Variants in BRAT1 observed in about 807,000 individuals in gnomAD.
BRAT1 encodes BRCA1 associated ATM activator 1.
BRAT1 carries 74 observed loss-of-function variants against 70.6 expected under a neutral mutation model. The observed-to-expected ratio is 1.05, with a 90% CI of 0.87 to 1.27. The LOEUF (loss-of-function observed/expected upper bound fraction) is 1.27, where lower values mean the gene tolerates loss of function less well. Ranked by LOEUF, BRAT1 falls within the 50% of genes most tolerant of loss-of-function variation. The pLI, the probability that BRAT1 is intolerant of heterozygous loss-of-function variation, is 0.00. For missense variants in BRAT1, 1,203 were observed against 1,098.2 expected, an observed-to-expected ratio of 1.10 and a Z score of -1.35; for synonymous variants, 615 against 517.1, an observed-to-expected ratio of 1.19 and a Z score of -2.57.
At chr7:2,554,539 G>A (rs1780269734) in intron 1 of BRAT1, 92 bp from the exon 2 acceptor site, 2 of 1,439,064 alleles carry the variant, frequency 1.4e-6, no homozygotes, top group African/African-American at 1.4e-5. Context: ...CTCAGGCCTG[G>A]GAAGGGGCCC....
In BRAT1 at chr7:2,541,816, C is replaced by T; in HGVS notation, c.1036G>A (p.Asp346Asn). 6.2e-7 allele frequency: 1 copy of T among 1,612,866 alleles called. No individual in the cohort carries two copies. The highest frequency in any genetic ancestry group is 8.5e-7 in the Non-Finnish European group (1 of 1,179,904). The change falls in exon 8 of 14, where the codon GAC becomes AAC. Residue 346 changes from aspartate (D) to asparagine (N), a missense_variant. Coordinates refer to ENST00000340611, the MANE Select transcript of BRAT1 (RefSeq NM_152743.4). Reference sequence around the variant, plus strand: ...AGTGTGTCCACCGTCGTGGCATCGTCTGCCGTCCCGTCCAGCAAGCCTGGG... The same window carrying T: ...AGTGTGTCCACCGTCGTGGCATCGTTTGCCGTCCCGTCCAGCAAGCCTGGG... Reference protein sequence around the residue: ...GPPGLLDGTADDATTVDTLLA... With the variant: ...GPPGLLDGTANDATTVDTLLA...
At position 2,537,918 on chromosome 7, in the gene BRAT1, T is replaced by G. The variant is rs1043299; in HGVS notation, c.*151A>C. The stretch of plus-strand genomic sequence containing the variant: ...GTCATTTCTTTAATACATCAAACTG[T>G]GGGATTTCTTGACCTTGCTTCTCTC... On this transcript the variant is annotated 3_prime_UTR_variant, in exon 14 of 14. Coordinates refer to ENST00000340611, the MANE Select transcript of BRAT1 (RefSeq NM_152743.4). 2.4e-6 allele frequency: 3 copies of G among 1,255,608 alleles called. No homozygotes were observed. The highest frequency in any genetic ancestry group is 2.7e-5 in the East Asian group (1 of 36,388). The allele number at this position is 1,255,608 out of a possible 1,614,324, so 77.8% of individuals were successfully genotyped here.
chr7:2,538,177 G>T lies in BRAT1; in HGVS notation c.2358C>A (p.Ser786Arg). 2 of 1,609,058 alleles carry T rather than the reference G, an allele frequency of 1.2e-6. No homozygotes were observed. Among genetic ancestry groups the T allele is most frequent in the Non-Finnish European group, 1.7e-6 (2 of 1,177,396 alleles). Residue 786 changes from serine (S) to arginine (R), a missense_variant, in exon 14 of 14, where the codon AGC (serine) becomes AGA (arginine). By Grantham distance (110) the Ser-to-Arg change is moderately radical. Transcript: ENST00000340611. ...LRSLDLEGLR[S>R]TLAESSDHVE... ...CGTGGTCGCTGCTCTCGGCCAGCGTGCTCCGCAGGCCCTCCAGGTCTAGGG... is the reference window on the plus strand; with the variant it reads ...CGTGGTCGCTGCTCTCGGCCAGCGTTCTCCGCAGGCCCTCCAGGTCTAGGG...
chr7:2,541,143 C>T lies in BRAT1; in HGVS notation c.1322-91G>A, dbSNP rs527813690. On this transcript the variant is annotated intron_variant, in intron 9 of 13. Transcript: ENST00000340611. ...GGAAGGAGCAGAACAAGGCCTCATC[C>T]GCCAGCTGAAACCTCCTGCACGGCC... is the stretch of plus-strand genomic sequence containing the variant. The T allele has an allele frequency of 1.2e-4, 169 of 1,453,440 alleles. No homozygotes were observed. In the African/African-American group the frequency reaches 2.1e-3, roughly 18 times the overall value. 90.0% of individuals were successfully genotyped at this position (1,453,440 alleles called of 1,614,324 possible).
At chr7:2,545,209 C>T (rs1779512262) in intron 3 of BRAT1, among the ~76,000 whole-genome samples, 153 bp from the exon 4 acceptor site, 1 of 151,672 alleles carries the variant, frequency 6.6e-6, no homozygotes, top group African/African-American at 2.4e-5. Flanking sequence ...ACTAGAAATA[C>T]AAAAATTTGC....
chr7:2,543,627 C>T lies in BRAT1; in HGVS notation c.766G>A (p.Ala256Thr), dbSNP rs1005270374. Residue 256 changes from alanine to threonine, a missense_variant, in exon 5 of 14, where the codon GCA becomes ACA. Transcript: ENST00000340611. The surrounding 1 kb of genome is among the most constrained non-coding windows in gnomAD (Gnocchi z 5.5). ...AGAAGCAGGTCCACGAACGAGTGTG[C>T]GGCGGGGATGGGGTCTCTCTCCAGC... ...CLLERDPIPAAHSFVDLLLCV... is the reference protein window; with the variant it reads ...CLLERDPIPATHSFVDLLLCV... 1.0e-5 allele frequency: 16 copies of T among 1,534,180 alleles called. No homozygotes were observed. Among genetic ancestry groups the T allele is most frequent in the African/African-American group, 5.5e-5 (4 of 72,890 alleles).
intron 2 of BRAT1, among the ~76,000 whole-genome samples, chr7:2,552,293 T>A (rs1301793028): frequency 2.0e-5 from 3 of 150,356 alleles, no homozygotes; most frequent in African/African-American, 7.3e-5. Context: ...AATTCTTGTA[T>A]TTTTAGTAGA....
At position 2,545,044 on chromosome 7, in the gene BRAT1, G is replaced by GT. The variant is rs776913277; in HGVS notation, c.294dup (p.Leu99ThrfsTer92). ...CCTGGCTCCCCAAAGAGCCCTGGTAGTAACTCCCCCTGCTGGGAAGCAAAA... is the reference window on the plus strand; with the variant it reads ...CCTGGCTCCCCAAAGAGCCCTGGTAGTTAACTCCCCCTGCTGGGAAGCAAAA... On this transcript the variant is annotated frameshift_variant, in exon 4 of 14. Coordinates refer to ENST00000340611, the MANE Select transcript of BRAT1 (RefSeq NM_152743.4). LOFTEE classifies it high-confidence loss of function. 3.2e-4 allele frequency: 480 copies of GT among 1,506,346 alleles called. No individual in the cohort carries two copies. The highest frequency in any genetic ancestry group is 3.8e-4 in the Non-Finnish European group (428 of 1,126,140). The allele number at this position is 1,506,346 out of a possible 1,614,324, so 93.3% of individuals were successfully genotyped here.
chr7:2,543,342 G>A lies in BRAT1; in HGVS notation c.804-19C>T, dbSNP rs773312644. 5.1e-6 allele frequency: 8 copies of A among 1,565,318 alleles called. No homozygotes were observed. Among genetic ancestry groups the A allele is most frequent in the East Asian group, 2.3e-5 (1 of 43,400 alleles). ...GGGAGAACTGCAGGGAGACCCCAGA[G>A]AGAAAAATTACTCCCCCACCCTCAA... is the stretch of plus-strand genomic sequence containing the variant. On this transcript the variant is annotated intron_variant, in intron 5 of 13. Transcript: ENST00000340611. This position sits in a 1 kb window ranked among gnomAD's most constrained non-coding sequence, Gnocchi z 5.5.
Position 2,540,966 on chromosome 7 carries a change from C to T in BRAT1, c.1395+13G>A. On this transcript the variant is annotated intron_variant, in intron 10 of 13. Coordinates refer to ENST00000340611, the MANE Select transcript of BRAT1 (RefSeq NM_152743.4). ...CTCCCTCCTCTCCTCGCTCTCTATC[C>T]CCACCACCGTACCGTGGGGCTGGAG... is the stretch of plus-strand genomic sequence containing the variant. The T allele has an allele frequency of 6.5e-7, 1 of 1,534,058 alleles. No homozygotes were observed. The highest frequency in any genetic ancestry group is 8.7e-7 in the Non-Finnish European group (1 of 1,151,604).
At chr7:2,548,093 C>CAAA (rs57069903) in intron 2 of BRAT1, among the ~76,000 whole-genome samples, 21 of 98,842 alleles carry the variant, frequency 2.1e-4, no homozygotes, top group African/African-American at 4.7e-4. Flanking sequence ...GACTCCATTC[C>CAAA]AAAAAAAAAA....
chr7:2,542,142 C>A lies in BRAT1; in HGVS notation c.993G>T (p.Thr331=). Residue 331 remains threonine, a synonymous_variant, in exon 7 of 14, where the codon ACG becomes ACT. Transcript: ENST00000340611. ...CACCTGGGGGTCCGGGGGCCTGAAC[C>A]GTGGCCTTCAGGACACAGGCCAGGG... is the stretch of plus-strand genomic sequence containing the variant. ...LQPLACVLKA[T]VQAPGPPGLL... is the part of the protein sequence containing the mutation. The A allele has an allele frequency of 1.3e-6, 2 of 1,565,768 alleles. No individual in the cohort carries two copies. Among genetic ancestry groups the A allele is most frequent in the East Asian group, 2.3e-5 (1 of 42,594 alleles).
intron 3 of BRAT1, 103 bp downstream of exon 3, chr7:2,547,221 T>C (rs879488448): frequency 1.1e-4 from 159 of 1,455,028 alleles, no homozygotes; most frequent in Admixed American, 1.4e-4. Context: ...GGCAGGCCGC[T>C]GGGACTTGGG....
At chr7:2,551,312 T>G (rs1321034569) in intron 2 of BRAT1, among the ~76,000 whole-genome samples, 3 of 150,970 alleles carry the variant, frequency 2.0e-5, no homozygotes, top group Non-Finnish European at 2.9e-5. Flanking sequence ...TTACAAACTG[T>G]AAAAGGATCT....
At position 2,541,012 on chromosome 7, in the gene BRAT1, CAGG is replaced by C. The variant is rs758601109; in HGVS notation, c.1359_1361del (p.Leu454del). The C allele has an allele frequency of 3.8e-6, 6 of 1,563,450 alleles. No individual in the cohort carries two copies. Among genetic ancestry groups the C allele is most frequent in the East Asian group, 4.7e-5 (2 of 42,666 alleles). ...TGGAGCCGGGGCTCTCGAGGCACTCCAGGAGGACAGCAAGCGCCTGCGTCACCA... is the reference window on the plus strand; with the variant it reads ...TGGAGCCGGGGCTCTCGAGGCACTCCAGGACAGCAAGCGCCTGCGTCACCA... On this transcript the variant is annotated inframe_deletion, in exon 10 of 14. Transcript: ENST00000340611.
At position 2,547,333 on chromosome 7, in the gene BRAT1, C is replaced by T; in HGVS notation, c.273G>A (p.Gln91=). 1 of 1,614,126 alleles carries T rather than the reference C, an allele frequency of 6.2e-7. No individual in the cohort carries two copies. Among genetic ancestry groups the T allele is most frequent in the Non-Finnish European group, 8.5e-7 (1 of 1,180,010 alleles). ...GTFAAQENCF[Q]YLQQGELLPG... ...GAGGCCCCAGGCTCACCTGAAGATA[C>T]TGGAAGCAGTTTTCCTGGGCTGCGA... is the stretch of plus-strand genomic sequence containing the variant. Residue 91 remains glutamine (Q), a synonymous_variant, in exon 3 of 14, where the codon CAG becomes CAA. Transcript: ENST00000340611.
intron 4 of BRAT1, 40 bp from the exon 5 acceptor site, chr7:2,544,002 G>A (rs764287694): frequency 1.3e-6 from 2 of 1,492,228 alleles, no homozygotes; most frequent in South Asian, 2.6e-5. Flanking sequence ...AAGGGGGTGA[G>A]CCAGAATAGA....
chr7:2,544,922 G>A lies in BRAT1; in HGVS notation c.417C>T (p.Phe139=). 6.4e-7 allele frequency: 1 copy of A among 1,551,388 alleles called. No homozygotes were observed. The part of the protein sequence containing the change: ...SLAQHPSALR[F]LADHGAVDTI... ...GGGCGCACTCACCATGGTCGGCCAG[G>A]AAGCGCAGGGCGCTGGGGTGCTGTG... The change falls in exon 4 of 14, where the codon TTC becomes TTT. Residue 139 remains phenylalanine (F), a synonymous_variant. Transcript: ENST00000340611.
chr7:2,542,816 C>T (rs79795508), intron 6 of BRAT1: 120 of 173,564 alleles, frequency 6.9e-4, no homozygotes, highest in South Asian at 1.3e-3. Context: ...CAGGCTCTGC[C>T]GTTGCACCGC....
Sources: gnomAD v4.1 joint callset for allele counts (sites outside exome capture counted in the v4.1 genomes callset) on GRCh38, gnomAD v4.1.1 for gene constraint, Gnocchi (gnomAD v3.1) non-coding constraint, MANE v1.5 for transcripts, NCBI Gene and HGNC (gene_info 2026-07-23, HGNC 2026-07-21) for gene names.